Variants in PLEKHG5 observed in about 807,000 individuals in gnomAD.
PLEKHG5 encodes pleckstrin homology and RhoGEF domain containing G5.
PLEKHG5 carries 52 observed loss-of-function variants against 103.8 expected under a neutral mutation model. The observed-to-expected ratio is 0.50, with a 90% confidence interval of 0.40 to 0.63. The LOEUF (loss-of-function observed/expected upper bound fraction) is 0.63, where lower values mean the gene tolerates loss of function less well. Among genes scored for constraint, PLEKHG5 ranks in the 30% least tolerant of loss-of-function variants. PLEKHG5 has a pLI of 0.00. For synonymous variants in PLEKHG5, 592 were observed against 575.5 expected (o/e 1.03, Z -0.41); for missense variants, 1,205 against 1,347.6 (o/e 0.89, Z 1.66).
intron 1 of PLEKHG5, among the ~76,000 whole-genome samples, chr1:6,484,643 A>AC (rs1431340528): frequency 6.6e-6 from 1 of 152,062 alleles, no homozygotes; most frequent in Non-Finnish European, 1.5e-5. Flanking sequence ...CTAGGGCGGA[A>AC]TGGCCCCTTC....
rs920488470 is a variant in PLEKHG5, at chr1:6,470,371, G to A, written c.1681-16C>T. On this transcript the variant is annotated splice_polypyrimidine_tract_variant and intron_variant, in intron 15 of 20. Transcript: ENST00000377728. ...CCTTCAGGAGCTGGGGACGGATGGC[G>A]TGAACGTAGGGGAGGCCAGAGACTG... is the stretch of plus-strand genomic sequence containing the variant. The A allele has an allele frequency of 6.8e-6, 11 of 1,613,874 alleles. No individual in the cohort carries two copies. Among genetic ancestry groups the A allele is most frequent in the African/African-American group, 5.3e-5 (4 of 75,016 alleles).
chr1:6,467,734 G>T, intron 20 of PLEKHG5, 91 bp downstream of exon 20: 2 of 1,531,384 alleles, frequency 1.3e-6, no homozygotes, highest in South Asian at 1.1e-5. Context: ...CCTCCGCCAT[G>T]ACCCTCCCCA....
chr1:6,511,652 G>T (rs899549698), intron 1 of PLEKHG5, among the ~76,000 whole-genome samples: 1 of 152,240 alleles, frequency 6.6e-6, no homozygotes, highest in Non-Finnish European at 1.5e-5. Flanking sequence ...TGAGATGGGG[G>T]ACTGAGGCAG....
intron 20 of PLEKHG5, 94 bp from the exon 21 acceptor site, chr1:6,467,666 C>G: frequency 6.8e-7 from 1 of 1,475,368 alleles, no homozygotes; most frequent in Non-Finnish European, 9.5e-7. Flanking sequence ...TCCTCAGGCC[C>G]CTTCACTGCT....
chr1:6,502,409 CG>C (rs1645305249), intron 1 of PLEKHG5, among the ~76,000 whole-genome samples: 1 of 152,240 alleles, frequency 6.6e-6, no homozygotes, highest in Non-Finnish European at 1.5e-5. Context: ...GCGTAGTCCC[CG>C]GGGACCGGAG....
chr1:6,472,739 G>T, intron 9 of PLEKHG5, 117 bp from the exon 10 acceptor site: 3 of 806,674 alleles, frequency 3.7e-6, no homozygotes, highest in Non-Finnish European at 6.3e-6. Context: ...GAGGTCCCAA[G>T]AGGAGCAGGG....
chr1:6,478,179 C>A (rs1228175104), intron 1 of PLEKHG5, among the ~76,000 whole-genome samples: 1 of 152,080 alleles, frequency 6.6e-6, no homozygotes, highest in Non-Finnish European at 1.5e-5. Context: ...CCACCGCGCC[C>A]GGCTTCTCCA....
At chr1:6,519,756 T>C (rs1284014047) in exon 1 of PLEKHG5, 3 of 594,298 alleles carry the variant, frequency 5.0e-6, no homozygotes, top group Non-Finnish European at 9.0e-6. Context: ...CTGGGCGCTG[T>C]ATATTTGAAG....
At chr1:6,484,790 A>T (rs1644986083) in intron 1 of PLEKHG5, among the ~76,000 whole-genome samples, 1 of 152,116 alleles carries the variant, frequency 6.6e-6, no homozygotes, top group Admixed American at 6.5e-5. Context: ...TCTCAACCCA[A>T]GGGAGGAGAG....
At chr1:6,473,873 A>C (rs1644672625) in intron 7 of PLEKHG5, 140 bp downstream of exon 7, 1 of 850,966 alleles carries the variant, frequency 1.2e-6, no homozygotes, top group South Asian at 1.8e-5. Flanking sequence ...TCTCCCAGCC[A>C]ACCCCATTTT....
intron 1 of PLEKHG5, among the ~76,000 whole-genome samples, chr1:6,503,697 A>G (rs1645320833): frequency 6.6e-6 from 1 of 152,174 alleles, no homozygotes; most frequent in African/African-American, 2.4e-5. Flanking sequence ...GGCATAAGCC[A>G]CCGTGCCCGG....
At position 6,501,959 on chromosome 1, in the gene PLEKHG5, C is replaced by T. The variant is rs964417777; in HGVS notation, c.-164-5390G>A. Among the ~76,000 whole-genome samples the T allele has an allele frequency of 3.3e-5, 5 of 152,250 alleles. No individual in the cohort carries two copies. Among genetic ancestry groups the T allele is most frequent in the African/African-American group, 4.8e-5 (2 of 41,468 alleles). On this transcript the variant is annotated intron_variant, in intron 1 of 21. Transcript: ENST00000377740. The surrounding 1 kb of genome is among the most constrained non-coding windows in gnomAD (Gnocchi z 4.3). The stretch of plus-strand genomic sequence containing the variant: ...CAAGAAAACAGGCCCTCCCTGCCCA[C>T]GACCTCCCAACCACAGGCCTGGCCA...
intron 1 of PLEKHG5, among the ~76,000 whole-genome samples, chr1:6,504,571 T>C (rs28445887): frequency 2.5e-5 from 3 of 121,278 alleles, no homozygotes; most frequent in African/African-American, 4.0e-5. Flanking sequence ...TCTTTTTTTT[T>C]CTTTTTTTTT....
rs1053992252 is a variant in PLEKHG5, at chr1:6,479,168, A to G, written c.-87-1510T>C. 6.6e-5 allele frequency among the ~76,000 whole-genome samples: 10 copies of G among 152,034 alleles called. No homozygotes were observed. The South Asian group carries it at 1.0e-3, about 16-fold the overall frequency. On this transcript the variant is annotated intron_variant, in intron 1 of 20. Transcript: ENST00000377728. Reference sequence around the variant, plus strand: ...CGCACTTGGGAAACTGAACCTTGATATATAGTCTATATTGACATTTTCCCA... The same window carrying G: ...CGCACTTGGGAAACTGAACCTTGATGTATAGTCTATATTGACATTTTCCCA...
chr1:6,496,386 C>T (rs1008446090), upstream of PLEKHG5: 16 of 842,120 alleles, frequency 1.9e-5, no homozygotes, highest in East Asian at 8.5e-5. Context: ...CCCAGCCAGC[C>T]GCGCCCGTGC....
chr1:6,500,242 G>A (rs575584063), upstream of PLEKHG5, among the ~76,000 whole-genome samples: 1 of 152,306 alleles, frequency 6.6e-6, no homozygotes, highest in African/African-American at 2.4e-5. Flanking sequence ...TCCACTGAGA[G>A]TCAGTCCAAA....
intron 1 of PLEKHG5, among the ~76,000 whole-genome samples, chr1:6,502,818 G>A (rs963697386): frequency 2.6e-5 from 4 of 152,192 alleles, no homozygotes; most frequent in African/African-American, 4.8e-5. Flanking sequence ...ACAGACAGCC[G>A]TGTGCCCAGG....
intron 16 of PLEKHG5, 60 bp downstream of exon 16, chr1:6,470,176 T>C (rs1644523006): frequency 1.3e-6 from 2 of 1,591,396 alleles, no homozygotes; most frequent in Non-Finnish European, 1.7e-6. Flanking sequence ...AACCAGTGAC[T>C]GGGGCCCAGG....
rs1230310182 is a variant in PLEKHG5, at chr1:6,486,287, C to T, written c.-88+5350G>A. Among the ~76,000 whole-genome samples the T allele has an allele frequency of 1.3e-5, 2 of 152,118 alleles. No individual in the cohort carries two copies. The highest frequency in any genetic ancestry group is 1.9e-4 in the East Asian group (1 of 5,178). On this transcript the variant is annotated intron_variant, in intron 1 of 20. Transcript: ENST00000377728. The surrounding 1 kb of genome is among the most constrained non-coding windows in gnomAD (Gnocchi z 5.3). ...TCCTTGGTCCGGCTCTCCATCTAGC[C>T]CCAGGGACACCCCTCTCTGCTCCAA... is the stretch of plus-strand genomic sequence containing the variant.
Sources: gnomAD v4.1 joint callset for allele counts (sites outside exome capture counted in the v4.1 genomes callset) on GRCh38, gnomAD v4.1.1 for gene constraint, Gnocchi (gnomAD v3.1) non-coding constraint, MANE v1.5 for transcripts, NCBI Gene and HGNC (gene_info 2026-07-23, HGNC 2026-07-21) for gene names.